RIPOR2: variants seen among roughly 807,000 people sequenced by gnomAD.
RIPOR2 encodes the protein rho family-interacting cell polarization regulator 2.
A neutral mutation model predicts 114.5 loss-of-function variants in RIPOR2; 39 were observed. The observed-to-expected ratio is 0.34, with a 90% CI of 0.26 to 0.44. The LOEUF is 0.44. Among genes scored for constraint, RIPOR2 ranks in the 20% least tolerant of loss-of-function variants. RIPOR2 has a pLI of 1.00. For missense variants in RIPOR2, 1,007 were observed against 1,255.1 expected (o/e 0.80, Z 2.99); for synonymous variants, 445 against 484.4 (o/e 0.92, Z 1.07).
intron 1 of RIPOR2, among the ~76,000 whole-genome samples, chr6:25,026,267 T>C (rs1776617640): frequency 6.6e-6 from 1 of 152,198 alleles, no homozygotes; most frequent in African/African-American, 2.4e-5. Context: ...ATTTAGCTGT[T>C]AGGTAGTTTT....
intron 1 of RIPOR2, among the ~76,000 whole-genome samples, chr6:25,039,764 T>C (rs541316746): frequency 1.3e-5 from 2 of 152,258 alleles, no homozygotes; most frequent in South Asian, 4.1e-4. Context: ...CCTACAGATA[T>C]AGAATGAAGT....
At chr6:24,830,727 T>C in intron 16 of RIPOR2, 57 bp from the exon 17 acceptor site, 2 of 1,489,266 alleles carry the variant, frequency 1.3e-6, no homozygotes, top group Admixed American at 2.3e-5. Context: ...TTTTATTTTA[T>C]TTTTTTGAGA....
intron 13 of RIPOR2, chr6:24,839,609 AT>A (rs1292385482): frequency 4.5e-6 from 7 of 1,541,194 alleles, no homozygotes; most frequent in Middle Eastern, 1.7e-4. Flanking sequence ...TCTGTTTGAA[AT>A]TTTTATAACA....
At chr6:25,025,171 G>T (rs1054619630) in intron 1 of RIPOR2, among the ~76,000 whole-genome samples, 1 of 152,146 alleles carries the variant, frequency 6.6e-6, no homozygotes, top group South Asian at 2.1e-4. Context: ...TCTGTCTCAC[G>T]CCTGCTCCCA....
chr6:24,963,221 C>T lies in RIPOR2; in HGVS notation c.76+78630G>A, dbSNP rs548485301. ...TAATTTTTTGTAATTTTAGCAGAGA[C>T]GGGGTTTCACCATGTTGGCCAGGCT... On this transcript the variant is annotated intron_variant, in intron 1 of 13. Transcript: ENST00000510784. 6.2e-4 allele frequency among the ~76,000 whole-genome samples: 95 copies of T among 152,176 alleles called. 1 individual carries two copies. The highest frequency in any genetic ancestry group is 1.8e-3 in the African/African-American group (76 of 41,534).
chr6:24,879,861 T>C (rs1360818100), intron 1 of RIPOR2, among the ~76,000 whole-genome samples: 1 of 152,194 alleles, frequency 6.6e-6, no homozygotes, highest in African/African-American at 2.4e-5. Flanking sequence ...TTCCTAGAAG[T>C]CCCAAAGACC....
Position 24,848,108 on chromosome 6 carries a change from T to C in RIPOR2, c.1081A>G (p.Lys361Glu). 7 of 1,613,922 alleles carry C rather than the reference T, an allele frequency of 4.3e-6. No individual in the cohort carries two copies. The highest frequency in any genetic ancestry group is 5.9e-6 in the Non-Finnish European group (7 of 1,179,846). ...DMTASSGAGN[K>E]AAALQRRMSM... ...ATTCTCCTCTGAAGGGCTGCTGCCT[T>C]GTTCCCAGCGCCTGAGGATGCGGTC... The change falls in exon 12 of 22, where the codon AAG (lysine) becomes GAG (glutamate). Residue 361 changes from lysine (K) to glutamate (E), a missense_variant. Coordinates refer to ENST00000643898, the MANE Select transcript of RIPOR2 (RefSeq NM_001286445.3).
At chr6:24,854,327 G>A (rs1763238098) in intron 8 of RIPOR2, among the ~76,000 whole-genome samples, 1 of 152,148 alleles carries the variant, frequency 6.6e-6, no homozygotes, top group South Asian at 2.1e-4. Context: ...TTGAATAACA[G>A]AGTTTCACCA....
intron 1 of RIPOR2, among the ~76,000 whole-genome samples, chr6:25,020,652 T>C (rs1201955226): frequency 6.6e-6 from 1 of 152,176 alleles, no homozygotes; most frequent in Non-Finnish European, 1.5e-5. Flanking sequence ...AAACCTCTAG[T>C]CCAAACCATT....
intron 1 of RIPOR2, chr6:24,931,791 A>T (rs1426682502): frequency 6.6e-6 from 1 of 152,230 alleles, no homozygotes; most frequent in Non-Finnish European, 1.5e-5. Flanking sequence ...ATTACTGAGC[A>T]GTGCTGAAAA....
chr6:24,897,779 T>C (rs972464401), intron 1 of RIPOR2, among the ~76,000 whole-genome samples: 3 of 152,100 alleles, frequency 2.0e-5, no homozygotes, highest in Non-Finnish European at 4.4e-5. Context: ...TGTTTATTTA[T>C]TTTTTGAGAT....
chr6:24,828,555 G>T (rs1236832035), intron 17 of RIPOR2, among the ~76,000 whole-genome samples: 1 of 152,100 alleles, frequency 6.6e-6, no homozygotes, highest in Non-Finnish European at 1.5e-5. Context: ...AAGTAGTAAA[G>T]TAAGCAGCTG....
intron 8 of RIPOR2, among the ~76,000 whole-genome samples, chr6:24,855,218 T>C (rs1219753962): frequency 6.6e-6 from 1 of 152,018 alleles, no homozygotes; most frequent in Non-Finnish European, 1.5e-5. Context: ...ATTTGATTTA[T>C]AAAAAGATGA....
Position 25,037,158 on chromosome 6 carries a change from C to T in RIPOR2, c.76+4693G>A, listed in dbSNP as rs1458616600. Among the ~76,000 whole-genome samples, 1 of 152,110 alleles carries T rather than the reference C, an allele frequency of 6.6e-6. No individual in the cohort carries two copies. The highest frequency in any genetic ancestry group is 1.5e-5 in the Non-Finnish European group (1 of 68,036). On this transcript the variant is annotated intron_variant, in intron 1 of 13. Transcript: ENST00000510784. This position sits in a 1 kb window ranked among gnomAD's most constrained non-coding sequence, Gnocchi z 4.5. ...GGGAGGTGGGTGTTACTGTAATAAG[C>T]ATTTTAAGGTTGAGGAAGTGGGCAT... is the stretch of plus-strand genomic sequence containing the variant.
At chr6:24,983,909 C>T (rs1039718921) in intron 1 of RIPOR2, among the ~76,000 whole-genome samples, 16 of 151,992 alleles carry the variant, frequency 1.1e-4, no homozygotes, top group African/African-American at 2.4e-4. Flanking sequence ...AGAAATATTA[C>T]GTGGGACTTC....
At chr6:24,904,737 G>C (rs998319266) in intron 1 of RIPOR2, among the ~76,000 whole-genome samples, 2 of 152,216 alleles carry the variant, frequency 1.3e-5, no homozygotes, top group Non-Finnish European at 2.9e-5. Flanking sequence ...GCTAGTGGTA[G>C]TCTCATTCTG....
intron 1 of RIPOR2, among the ~76,000 whole-genome samples, chr6:24,909,753 A>G (rs1561763497): frequency 6.6e-6 from 1 of 152,052 alleles, no homozygotes; most frequent in Non-Finnish European, 1.5e-5. Flanking sequence ...CCCAACATAT[A>G]TTTTATCATA....
intron 2 of RIPOR2, among the ~76,000 whole-genome samples, chr6:24,874,346 A>G (rs1363745344): frequency 6.6e-6 from 1 of 152,128 alleles, no homozygotes; most frequent in Non-Finnish European, 1.5e-5. Context: ...CTTGGCTTCA[A>G]GCAATCCTCC....
At chr6:24,916,526 C>T (rs1463087418) in intron 1 of RIPOR2, among the ~76,000 whole-genome samples, 1 of 152,150 alleles carries the variant, frequency 6.6e-6, no homozygotes, top group Non-Finnish European at 1.5e-5. Context: ...CATACACTAT[C>T]CCTGCTGGTT....
Sources: allele counts gnomAD v4.1 joint callset (sites outside exome capture counted in the v4.1 genomes callset), GRCh38; gene constraint gnomAD v4.1.1; non-coding constraint Gnocchi (gnomAD v3.1); transcripts MANE v1.5; gene names NCBI Gene and HGNC (gene_info 2026-07-23, HGNC 2026-07-21).